PTGER3: variants seen among roughly 807,000 people sequenced by gnomAD.
PTGER3 encodes the protein prostaglandin E receptor 3, also known as prostaglandin E2 receptor EP3 subtype.
In PTGER3, 22 loss-of-function variants were observed where a neutral mutation model predicts 34.7. The ratio of observed to expected loss-of-function variants is 0.63; its 90% CI spans 0.45 to 0.91. PTGER3 has a LOEUF of 0.91. Ranked by LOEUF, PTGER3 falls within the 40% of genes least tolerant of loss-of-function variation. PTGER3 has a pLI of 0.00. For missense variants in PTGER3, 468 were observed against 519.4 expected, an observed-to-expected ratio of 0.90 and a Z score of 0.96; for synonymous variants, 241 against 230.1, an observed-to-expected ratio of 1.05 and a Z score of -0.43.
chr1:70,894,309 C>CAAAAAAAA (rs35974984), intron 4 of PTGER3, among the ~76,000 whole-genome samples: 4 of 46,712 alleles, frequency 8.6e-5, no homozygotes, highest in African/African-American at 9.0e-5. Flanking sequence ...AACTCCATCT[C>CAAAAAAAA]AAAAAAAAAA....
At chr1:70,867,487 G>A (rs998890757) in intron 4 of PTGER3, among the ~76,000 whole-genome samples, 3 of 152,110 alleles carry the variant, frequency 2.0e-5, no homozygotes, top group African/African-American at 2.4e-5. Flanking sequence ...TTGGGAGGCC[G>A]AGGCGGGCAG....
chr1:70,852,791 G>C (rs1160479812), exon 5 of PTGER3: 1 of 1,602,546 alleles, frequency 6.2e-7, no homozygotes, highest in African/African-American at 1.3e-5. Flanking sequence ...TTTACAAAAA[G>C]AGAGTCATGG....
intron 2 of PTGER3, chr1:71,008,530 G>T: frequency 1.0e-6 from 1 of 954,986 alleles, no homozygotes; most frequent in South Asian, 4.8e-5. Context: ...CTGAACTGAT[G>T]TCAGCTTCTT....
intron 2 of PTGER3, chr1:71,011,170 G>T (rs1285419040): frequency 3.7e-5 from 36 of 985,362 alleles, no homozygotes; most frequent in Non-Finnish European, 4.3e-5. Context: ...ATTGAGGTTT[G>T]TATTCATGTA....
At chr1:70,899,335 T>C (rs11209710) in intron 4 of PTGER3, among the ~76,000 whole-genome samples, 57,971 of 151,912 alleles carry the variant, frequency 0.38, 11,630 homozygotes, top group East Asian at 0.63. Flanking sequence ...TGGTAACTTG[T>C]GGTGCATATA....
chr1:71,017,129 A>G (rs912706883), intron 1 of PTGER3, among the ~76,000 whole-genome samples: 4 of 152,078 alleles, frequency 2.6e-5, no homozygotes, highest in Non-Finnish European at 5.9e-5. Context: ...GATTAAGGTA[A>G]AGGACCCAGA....
At chr1:70,868,874 G>A (rs918605881) in intron 4 of PTGER3, among the ~76,000 whole-genome samples, 2 of 152,146 alleles carry the variant, frequency 1.3e-5, no homozygotes, top group Non-Finnish European at 2.9e-5. Context: ...GGGAGCCACA[G>A]GAAGTGGCTC....
rs75572954 is a variant in PTGER3 at position 71,038,257 on chromosome 1, G to A, written c.897+8424C>T. On this transcript the variant is annotated intron_variant, in intron 1 of 3. Transcript: ENST00000306666. ...GATATACAAATCAAATTTACTCTCA[G>A]GATATAACAAAAAATTAGTGGAAAG... Among the ~76,000 whole-genome samples, 1,072 of 152,242 alleles carry A rather than the reference G, an allele frequency of 7.0e-3. 17 individuals carry two copies. Among genetic ancestry groups the A allele is most frequent in the African/African-American group, 0.025 (1,033 of 41,530 alleles).
intron 4 of PTGER3, among the ~76,000 whole-genome samples, chr1:70,911,946 G>A (rs955448829): frequency 2.6e-5 from 4 of 151,772 alleles, no homozygotes; most frequent in African/African-American, 7.3e-5. Flanking sequence ...TTGTACTTTC[G>A]TGATCCCAAA....
chr1:70,971,878 T>C (rs574986744), intron 3 of PTGER3, 145 bp from the exon 4 acceptor site: 6 of 540,946 alleles, frequency 1.1e-5, no homozygotes, highest in African/African-American at 7.8e-5. Flanking sequence ...AGTAATTACA[T>C]GTGTTTTAGA....
In PTGER3 at chr1:71,047,329, C is replaced by A. The variant is rs143267522; in HGVS notation, c.249G>T (p.Lys83Asn). 8 of 1,606,796 alleles carry A rather than the reference C, an allele frequency of 5.0e-6. No individual in the cohort carries two copies. Among genetic ancestry groups the A allele is most frequent in the Non-Finnish European group, 6.8e-6 (8 of 1,177,430 alleles). The change falls in exon 1 of 4, where the codon AAG becomes AAT. Residue 83 changes from lysine (K) to asparagine (N), a missense_variant. Coordinates refer to ENST00000306666, the MANE Select transcript of PTGER3 (RefSeq NM_198719.2). ...TGCACAGCAGGAAGGACTTCTTGCG[C>A]TTGCTCTCCCGGCGCCGGTAGCTGC... is the stretch of plus-strand genomic sequence containing the variant. ...VSRSYRRRES[K>N]RKKSFLLCIG... is the part of the protein sequence containing the mutation.
At chr1:71,016,147 G>T (rs1009610685) in intron 1 of PTGER3, among the ~76,000 whole-genome samples, 3 of 152,074 alleles carry the variant, frequency 2.0e-5, no homozygotes, top group Non-Finnish European at 4.4e-5. Context: ...TAACTAGGCT[G>T]ATCTCAAACT....
Position 70,976,512 on chromosome 1 carries a change from T to G in PTGER3, c.1078-2124A>C, listed in dbSNP as rs188949476. ...ACTGCTCCAAAAAATAAATTCCATT[T>G]TAAAAAATTGCTGTATATTGGGGAT... On this transcript the variant is annotated intron_variant, in intron 2 of 3. Coordinates refer to ENST00000306666, the MANE Select transcript of PTGER3 (RefSeq NM_198719.2). Among the ~76,000 whole-genome samples, 483 of 152,246 alleles carry G rather than the reference T, an allele frequency of 3.2e-3. 1 individual carries two copies. The highest frequency in any genetic ancestry group is 4.8e-3 in the Non-Finnish European group (326 of 68,028).
chr1:70,932,101 C>A (rs543149967), intron 4 of PTGER3, among the ~76,000 whole-genome samples: 7 of 152,288 alleles, frequency 4.6e-5, no homozygotes, highest in African/African-American at 1.7e-4. Flanking sequence ...GTTCAAAGTT[C>A]CACAAATCTC....
At chr1:70,930,944 A>G (rs1648628228) in intron 4 of PTGER3, among the ~76,000 whole-genome samples, 1 of 152,056 alleles carries the variant, frequency 6.6e-6, no homozygotes, top group African/African-American at 2.4e-5. Context: ...TTCAGCATTA[A>G]CCCAAAAGTC....
intron 2 of PTGER3, among the ~76,000 whole-genome samples, chr1:70,981,292 CTT>C (rs1654239434): frequency 3.4e-5 from 2 of 58,086 alleles, no homozygotes; most frequent in African/African-American, 1.2e-4. Context: ...CTCTCTCTCT[CTT>C]CCTTCCTTCC....
At chr1:70,946,373 T>C (rs763777535) in intron 4 of PTGER3, among the ~76,000 whole-genome samples, 23 of 152,010 alleles carry the variant, frequency 1.5e-4, no homozygotes, top group Non-Finnish European at 2.9e-4. Context: ...TAAGCAAATT[T>C]CCCCAAATAG....
intron 2 of PTGER3, among the ~76,000 whole-genome samples, chr1:70,981,372 TTTCTTTCTTTCTTTCTTTCTTTCCTTCC>T (rs1557709006): frequency 2.0e-4 from 22 of 109,166 alleles, no homozygotes; most frequent in South Asian, 2.0e-3. Flanking sequence ...TCTTTCTTTC[TTTCTTTCTTTCTTTCTTTCTTTCCTTCC>T]TTCCTTCCTT....
chr1:70,983,904 T>C (rs1219442227), intron 2 of PTGER3, among the ~76,000 whole-genome samples: 2 of 152,154 alleles, frequency 1.3e-5, no homozygotes, highest in African/African-American at 2.4e-5. Flanking sequence ...TCCCTGGAAG[T>C]AGACTTTAAC....
Sources: gnomAD v4.1 joint callset for allele counts (sites outside exome capture counted in the v4.1 genomes callset) on GRCh38, gnomAD v4.1.1 for gene constraint, MANE v1.5 for transcripts, NCBI Gene and HGNC (gene_info 2026-07-23, HGNC 2026-07-21) for gene names.